The following NUTF2 variants were observed in gnomAD, a reference collection of about 807,000 sequenced individuals.
NUTF2 encodes nuclear transport factor 2.
NUTF2 carries 3 observed loss-of-function variants against 18.5 expected under a neutral mutation model. The observed-to-expected ratio is 0.16, with a 90% CI of 0.07 to 0.42. The LOEUF (loss-of-function observed/expected upper bound fraction) is 0.42, where lower values mean the gene tolerates loss of function less well. Among genes scored for constraint, NUTF2 ranks in the 10% least tolerant of loss-of-function variants. The probability of loss-of-function intolerance (pLI) is 0.99; values close to 1 mark genes in which losing one functional copy is unlikely to be tolerated. For synonymous variants in NUTF2, 51 were observed against 57.9 expected, an observed-to-expected ratio of 0.88 and a Z score of 0.54; for missense variants, 44 against 160.7, an observed-to-expected ratio of 0.27 and a Z score of 3.93.
At chr16:67,849,789 G>C (rs536983679) in intron 1 of NUTF2, among the ~76,000 whole-genome samples, 1 of 152,084 alleles carries the variant, frequency 6.6e-6, no homozygotes, top group Non-Finnish European at 1.5e-5. Context: ...CTCCCGAGTA[G>C]CTGGGACTAC....
intron 1 of NUTF2, among the ~76,000 whole-genome samples, chr16:67,859,284 G>A (rs552594698): frequency 2.0e-5 from 3 of 150,760 alleles, no homozygotes; most frequent in African/African-American, 7.3e-5. Flanking sequence ...GGTTCAAGCA[G>A]TTCTCCTGCC....
chr16:67,865,970 G>A (rs571513871), intron 2 of NUTF2, among the ~76,000 whole-genome samples: 14 of 152,198 alleles, frequency 9.2e-5, no homozygotes, highest in African/African-American at 2.9e-4. Flanking sequence ...CTCCCACCTT[G>A]GCCTTCCAAC....
At chr16:67,851,265 G>A (rs976061466) in intron 1 of NUTF2, among the ~76,000 whole-genome samples, 5 of 151,010 alleles carry the variant, frequency 3.3e-5, no homozygotes, top group Non-Finnish European at 7.4e-5. Flanking sequence ...GGCGGATCAC[G>A]AGGTTAGGAG....
intron 1 of NUTF2, among the ~76,000 whole-genome samples, chr16:67,859,361 T>TC: frequency 6.7e-6 from 1 of 150,330 alleles, no homozygotes; most frequent in African/African-American, 2.4e-5. Flanking sequence ...TTTTTTTTTT[T>TC]TTTTTGAGGT....
chr16:67,849,062 C>T (rs1167840080), intron 1 of NUTF2, among the ~76,000 whole-genome samples: 1 of 152,210 alleles, frequency 6.6e-6, no homozygotes, highest in African/African-American at 2.4e-5. Context: ...CCTGCCTTCT[C>T]TCTGGATGTA....
chr16:67,856,544 C>T (rs1198760253), intron 1 of NUTF2, among the ~76,000 whole-genome samples: 10 of 143,184 alleles, frequency 7.0e-5, no homozygotes, highest in African/African-American at 2.6e-4. Context: ...GTTTTGCTCT[C>T]GTTGCCCAGG....
Position 67,863,471 on chromosome 16 carries a change from T to C in NUTF2, c.-29-1631T>C, listed in dbSNP as rs929878777. ...TCTCACTCTTTCCCTACACGATTCC[T>C]CCCCGCTGGCTCCTCTGGCTTTGGG... On this transcript the variant is annotated intron_variant, in intron 1 of 4. Coordinates refer to ENST00000219169, the MANE Select transcript of NUTF2 (RefSeq NM_005796.3). 2.6e-5 allele frequency among the ~76,000 whole-genome samples: 4 copies of C among 152,170 alleles called. No individual in the cohort carries two copies. In the South Asian group the frequency reaches 6.2e-4, roughly 24 times the overall value.
At chr16:67,858,258 C>G (rs138061301) in intron 1 of NUTF2, among the ~76,000 whole-genome samples, 4 of 152,300 alleles carry the variant, frequency 2.6e-5, no homozygotes, top group Non-Finnish European at 5.9e-5. Flanking sequence ...ATATTTGCCT[C>G]CCTGGTTCAA....
intron 2 of NUTF2, among the ~76,000 whole-genome samples, chr16:67,865,890 T>C (rs1210231378): frequency 6.6e-6 from 1 of 152,044 alleles, no homozygotes; most frequent in African/African-American, 2.4e-5. Context: ...AGTTAATTTT[T>C]TGTATTTTTA....
chr16:67,858,913 C>T (rs1456615291), intron 1 of NUTF2, among the ~76,000 whole-genome samples: 1 of 151,172 alleles, frequency 6.6e-6, no homozygotes, highest in South Asian at 2.1e-4. Flanking sequence ...CACTGTGTTG[C>T]CCAGTCTGGA....
At chr16:67,856,569 C>T (rs374761966) in intron 1 of NUTF2, among the ~76,000 whole-genome samples, 17 of 149,622 alleles carry the variant, frequency 1.1e-4, no homozygotes, top group East Asian at 8.0e-4. Context: ...AGTGCAGTGG[C>T]GTGATCCTGG....
chr16:67,866,009 C>T lies in NUTF2; in HGVS notation c.99+780C>T, dbSNP rs1428914597. 7.2e-5 allele frequency among the ~76,000 whole-genome samples: 11 copies of T among 152,090 alleles called. No individual in the cohort carries two copies. The South Asian group carries it at 1.0e-3, about 14-fold the overall frequency. On this transcript the variant is annotated intron_variant, in intron 2 of 4. Coordinates refer to ENST00000219169, the MANE Select transcript of NUTF2 (RefSeq NM_005796.3). Reference sequence around the variant, plus strand: ...CTGGGATTACAGGCGTGAGCCACTGCGCCCGGCATTTGCTGCTCTTTTAAC... The same window carrying T: ...CTGGGATTACAGGCGTGAGCCACTGTGCCCGGCATTTGCTGCTCTTTTAAC...
At chr16:67,865,998 G>A (rs1358830525) in intron 2 of NUTF2, among the ~76,000 whole-genome samples, 1 of 152,150 alleles carries the variant, frequency 6.6e-6, no homozygotes, top group African/African-American at 2.4e-5. Flanking sequence ...GATTACAGGC[G>A]TGAGCCACTG....
At chr16:67,850,626 G>A (rs1254515482) in intron 1 of NUTF2, among the ~76,000 whole-genome samples, 1 of 152,160 alleles carries the variant, frequency 6.6e-6, no homozygotes, top group East Asian at 1.9e-4. Context: ...AAGAGAAGTG[G>A]CCTGAGGTTC....
intron 1 of NUTF2, among the ~76,000 whole-genome samples, chr16:67,861,949 G>A (rs919023771): frequency 2.6e-5 from 4 of 152,064 alleles, no homozygotes; most frequent in Non-Finnish European, 2.9e-5. Context: ...CCCGTGGGAA[G>A]GGTGGGGATC....
Position 67,854,988 on chromosome 16 carries a change from G to A in NUTF2, c.-30+8003G>A, listed in dbSNP as rs565644569. 5.9e-5 allele frequency among the ~76,000 whole-genome samples: 9 copies of A among 151,804 alleles called. No individual in the cohort carries two copies. In the South Asian group the frequency reaches 6.2e-4, roughly 11 times the overall value. On this transcript the variant is annotated intron_variant, in intron 1 of 4. Coordinates refer to ENST00000219169, the MANE Select transcript of NUTF2 (RefSeq NM_005796.3). The stretch of plus-strand genomic sequence containing the variant: ...GATTTCTTTAAGCTGAGGTTGAGCC[G>A]AACCTTGTGCTGGGTGCTGGTTTGT...
intron 1 of NUTF2, among the ~76,000 whole-genome samples, chr16:67,859,224 G>A (rs1043598242): frequency 1.3e-5 from 2 of 152,072 alleles, no homozygotes; most frequent in Admixed American, 6.6e-5. Context: ...CTGTTGCCCA[G>A]GCTGGAGTGC....
intron 1 of NUTF2, among the ~76,000 whole-genome samples, chr16:67,852,017 G>GA (rs569060211): frequency 1.2e-4 from 18 of 146,794 alleles, no homozygotes; most frequent in Admixed American, 1.4e-4. Context: ...ACTCCATCTT[G>GA]AAAAAAAAAA....
In NUTF2 at chr16:67,861,989, A is replaced by G. The variant is rs562321125; in HGVS notation, c.-29-3113A>G. On this transcript the variant is annotated intron_variant, in intron 1 of 4. Coordinates refer to ENST00000219169, the MANE Select transcript of NUTF2 (RefSeq NM_005796.3). The stretch of plus-strand genomic sequence containing the variant: ...GAGGGGACTTTCCTGTGTACAAAAC[A>G]TGGTGAGCAGGCTCTCGGTAGGTTC... Among the ~76,000 whole-genome samples, 12 of 151,938 alleles carry G rather than the reference A, an allele frequency of 7.9e-5. No homozygotes were observed. In the East Asian group the frequency reaches 2.3e-3, roughly 29 times the overall value.
Sources: gnomAD v4.1 joint callset for allele counts (sites outside exome capture counted in the v4.1 genomes callset) on GRCh38, gnomAD v4.1.1 for gene constraint, MANE v1.5 for transcripts, NCBI Gene and HGNC (gene_info 2026-07-23, HGNC 2026-07-21) for gene names.